ADAMTS6: variants seen among roughly 807,000 people sequenced by gnomAD.
The protein encoded by ADAMTS6 is A disintegrin and metalloproteinase with thrombospondin motifs 6.
ADAMTS6 carries 23 observed loss-of-function variants against 144.3 expected under a neutral mutation model. The ratio of observed to expected loss-of-function variants is 0.16; its 90% CI spans 0.11 to 0.23. The LOEUF (loss-of-function observed/expected upper bound fraction) is 0.23, where lower values mean the gene tolerates loss of function less well. ADAMTS6 is among the 10% of genes least tolerant of loss of function. The pLI is 1.00. For synonymous variants in ADAMTS6, 444 were observed against 457.5 expected (o/e 0.97, Z 0.38); for missense variants, 999 against 1,379.6 (o/e 0.72, Z 4.37).
At chr5:65,416,296 G>T (rs912004465) in intron 7 of ADAMTS6, 3 of 152,910 alleles carry the variant, frequency 2.0e-5, no homozygotes, top group Admixed American at 6.5e-5. Flanking sequence ...AATAACAAGT[G>T]TTGGTGATGA....
chr5:65,329,357 G>A (rs770643511), intron 9 of ADAMTS6, 21 bp downstream of exon 9: 1 of 1,606,144 alleles, frequency 6.2e-7, no homozygotes, highest in Non-Finnish European at 8.5e-7. Flanking sequence ...AATTTATTTT[G>A]ATTTTCTTAA....
chr5:65,238,731 A>G (rs184683695), intron 15 of ADAMTS6, among the ~76,000 whole-genome samples: 12 of 152,368 alleles, frequency 7.9e-5, no homozygotes, highest in Middle Eastern at 3.4e-3. Context: ...GAATCGATTT[A>G]GTAAAGTACA....
At chr5:65,224,281 T>C (rs1315857803) in intron 18 of ADAMTS6, 39 bp downstream of exon 18, 2 of 1,558,920 alleles carry the variant, frequency 1.3e-6, no homozygotes, top group African/African-American at 2.7e-5. Context: ...CCTCATTTAC[T>C]TTTAAAATCC....
intron 3 of ADAMTS6, among the ~76,000 whole-genome samples, chr5:65,461,926 C>A (rs1243387028): frequency 6.6e-6 from 1 of 152,074 alleles, no homozygotes; most frequent in Non-Finnish European, 1.5e-5. Context: ...TGTTAAGTAC[C>A]TCATGCTTGG....
intron 16 of ADAMTS6, among the ~76,000 whole-genome samples, chr5:65,225,778 T>C (rs767967262): frequency 3.8e-4 from 58 of 152,348 alleles, no homozygotes; most frequent in Admixed American, 1.4e-3. Context: ...TCATTCTCTC[T>C]CTTTTTCTAT....
chr5:65,331,956 A>C (rs1019126696), intron 8 of ADAMTS6, among the ~76,000 whole-genome samples: 3 of 151,804 alleles, frequency 2.0e-5, no homozygotes, highest in Non-Finnish European at 4.4e-5. Context: ...AAGTGCATTG[A>C]CACATACCTA....
intron 11 of ADAMTS6, among the ~76,000 whole-genome samples, chr5:65,279,930 T>A (rs1432569221): frequency 1.3e-5 from 2 of 152,240 alleles, no homozygotes; most frequent in Non-Finnish European, 2.9e-5. Context: ...TCAGTGAATA[T>A]TATTTTTTCT....
chr5:65,348,439 G>T (rs557430619), intron 7 of ADAMTS6, among the ~76,000 whole-genome samples: 2 of 152,086 alleles, frequency 1.3e-5, no homozygotes, highest in South Asian at 4.2e-4. Context: ...CTCATATATG[G>T]GATCCAAAAT....
intron 22 of ADAMTS6, among the ~76,000 whole-genome samples, chr5:65,187,260 G>A (rs998713970): frequency 6.6e-6 from 1 of 152,166 alleles, no homozygotes; most frequent in Non-Finnish European, 1.5e-5. Context: ...CATGGATACT[G>A]AGGAGTCAAA....
chr5:65,270,056 A>AG (rs1439840951), intron 12 of ADAMTS6, among the ~76,000 whole-genome samples: 2 of 152,150 alleles, frequency 1.3e-5, no homozygotes, highest in Non-Finnish European at 2.9e-5. Flanking sequence ...GGCTTCCCAA[A>AG]GTGCTGGGAT....
chr5:65,300,185 A>G, intron 9 of ADAMTS6, 54 bp from the exon 10 acceptor site: 1 of 1,538,162 alleles, frequency 6.5e-7, no homozygotes, highest in South Asian at 1.2e-5. Context: ...AAACCCCAAC[A>G]CATCCCTTAT....
At chr5:65,432,525 C>CAA (rs201285673) in intron 7 of ADAMTS6, among the ~76,000 whole-genome samples, 1 of 151,894 alleles carries the variant, frequency 6.6e-6, no homozygotes, top group East Asian at 1.9e-4. Flanking sequence ...CACTTAATCA[C>CAA]ACACACACAC....
At chr5:65,191,402 T>TG in intron 21 of ADAMTS6, among the ~76,000 whole-genome samples, 1 of 152,144 alleles carries the variant, frequency 6.6e-6, no homozygotes, top group East Asian at 1.9e-4. Flanking sequence ...AGAATATTGT[T>TG]TTTGCTTTTT....
intron 7 of ADAMTS6, among the ~76,000 whole-genome samples, chr5:65,450,960 A>T (rs1461165073): frequency 1.3e-5 from 2 of 152,198 alleles, no homozygotes; most frequent in East Asian, 3.8e-4. Context: ...TAGTGTAATC[A>T]ATCTGCTTTT....
intron 21 of ADAMTS6, among the ~76,000 whole-genome samples, chr5:65,196,522 CAAAAAAAAAAAAAA>C (rs533444182): frequency 4.7e-4 from 18 of 38,036 alleles, no homozygotes; most frequent in East Asian, 1.0e-3. Context: ...GACTCCGTCT[CAAAAAAAAAAAAAA>C]AAAAAAAAAA....
intron 24 of ADAMTS6, among the ~76,000 whole-genome samples, chr5:65,153,760 C>T (rs1752256330): frequency 6.6e-6 from 1 of 152,150 alleles, no homozygotes; most frequent in African/African-American, 2.4e-5. Context: ...ATTTACTACT[C>T]CATTTTTAGA....
At chr5:65,461,930 T>A (rs1759665826) in intron 3 of ADAMTS6, among the ~76,000 whole-genome samples, 1 of 152,196 alleles carries the variant, frequency 6.6e-6, no homozygotes, top group South Asian at 2.1e-4. Context: ...AAGTACCTCA[T>A]GCTTGGAAGG....
intron 3 of ADAMTS6, among the ~76,000 whole-genome samples, chr5:65,464,259 T>C (rs568126968): frequency 2.6e-5 from 4 of 152,302 alleles, no homozygotes; most frequent in East Asian, 3.9e-4. Flanking sequence ...AAAAAATATA[T>C]AGGATTATAA....
chr5:65,370,922 G>T (rs1750826118), intron 7 of ADAMTS6, among the ~76,000 whole-genome samples: 1 of 152,212 alleles, frequency 6.6e-6, no homozygotes, highest in East Asian at 1.9e-4. Flanking sequence ...CACAGCTGGA[G>T]ATCTGAGAAC....
Sources: gnomAD v4.1 joint callset for allele counts (sites outside exome capture counted in the v4.1 genomes callset) on GRCh38, gnomAD v4.1.1 for gene constraint, MANE v1.5 for transcripts, NCBI Gene and HGNC (gene_info 2026-07-23, HGNC 2026-07-21) for gene names.